Variants in EMG1 observed in about 807,000 individuals in gnomAD.
EMG1 encodes ribosomal RNA small subunit methyltransferase NEP1.
In EMG1, 24 loss-of-function variants were observed where a neutral mutation model predicts 26.9. That is an observed-to-expected ratio of 0.89 (90% CI 0.65 to 1.26). The LOEUF is 1.26. EMG1 is among the 50% of genes most tolerant of loss of function. EMG1 has a pLI of 0.00. For missense variants in EMG1, 299 were observed against 307.6 expected, an observed-to-expected ratio of 0.97 and a Z score of 0.21; for synonymous variants, 140 against 112.6, an observed-to-expected ratio of 1.24 and a Z score of -1.54.
At position 6,978,012 on chromosome 12, in the gene EMG1, ACT is replaced by A. The variant is rs1946428485; in HGVS notation, c.*2206_*2207del. 3.6e-6 allele frequency: 2 copies of A among 559,882 alleles called. No individual in the cohort carries two copies. Among genetic ancestry groups the A allele is most frequent in the African/African-American group, 1.9e-5 (1 of 53,094 alleles). The allele number at this position is 559,882 out of a possible 1,614,324, so 34.7% of individuals were successfully genotyped here. On this transcript the variant is annotated 3_prime_UTR_variant, in exon 6 of 6. Coordinates refer to ENST00000599672, the MANE Select transcript of EMG1 (RefSeq NM_006331.8). ...TGCTGAGATCAGTGGTGAACCAGACACTCTACTCAAGCTGCCCACACTCTAGT... is the reference window on the plus strand; with the variant it reads ...TGCTGAGATCAGTGGTGAACCAGACACTACTCAAGCTGCCCACACTCTAGT...
Position 6,977,761 on chromosome 12 carries a change from G to A in EMG1, c.*1952G>A. ...GAAGATGTAGCTGGAGAAAAGGGTGGGTGGGGCGACCCTCAAACTGACTGG... is the reference window on the plus strand; with the variant it reads ...GAAGATGTAGCTGGAGAAAAGGGTGAGTGGGGCGACCCTCAAACTGACTGG... On this transcript the variant is annotated 3_prime_UTR_variant, in exon 6 of 6. Coordinates refer to ENST00000599672, the MANE Select transcript of EMG1 (RefSeq NM_006331.8). This position sits in a 1 kb window ranked among gnomAD's most constrained non-coding sequence, Gnocchi z 4.5. The A allele has an allele frequency of 6.2e-7, 1 of 1,613,742 alleles. No homozygotes were observed. Among genetic ancestry groups the A allele is most frequent in the Non-Finnish European group, 8.5e-7 (1 of 1,179,952 alleles).
chr12:6,979,238 G>A lies in EMG1; in HGVS notation c.*3429G>A, dbSNP rs1024087479. 23 of 556,814 alleles carry A rather than the reference G, an allele frequency of 4.1e-5. No homozygotes were observed. The highest frequency in any genetic ancestry group is 6.1e-5 in the Non-Finnish European group (19 of 312,738). The allele number at this position is 556,814 out of a possible 1,614,324, so 34.5% of individuals were successfully genotyped here. ...AAGCTAGGAGCGGCTCCTAGAGAAGGCAACGGGTGCTAAATGTGCACCTGG... is the reference window on the plus strand; with the variant it reads ...AAGCTAGGAGCGGCTCCTAGAGAAGACAACGGGTGCTAAATGTGCACCTGG... On this transcript the variant is annotated 3_prime_UTR_variant, in exon 6 of 6. Coordinates refer to ENST00000599672, the MANE Select transcript of EMG1 (RefSeq NM_006331.8).
intron 7 of EMG1, among the ~76,000 whole-genome samples, chr12:6,995,435 C>T (rs1381720855): frequency 2.0e-5 from 3 of 151,346 alleles, no homozygotes; most frequent in African/African-American, 7.3e-5. Context: ...GATCGTCTCA[C>T]TGTACTCCAG....
chr12:6,981,336 C>T (rs1196847447), downstream of EMG1: 12 of 692,948 alleles, frequency 1.7e-5, no homozygotes, highest in Admixed American at 8.5e-5. Context: ...TGTGGAAATG[C>T]GTATGTGTGT....
Position 6,978,431 on chromosome 12 carries a change from G to C in EMG1, c.*2622G>C. 1 of 1,614,088 alleles carries C rather than the reference G, an allele frequency of 6.2e-7. No homozygotes were observed. The highest frequency in any genetic ancestry group is 1.7e-4 in the Middle Eastern group (1 of 6,040). Reference sequence around the variant, plus strand: ...TTCAAAGAGCCACACCTTCATGTTGGCACAGGCATCCCACTTTGCCTTGCC... The same window carrying C: ...TTCAAAGAGCCACACCTTCATGTTGCCACAGGCATCCCACTTTGCCTTGCC... On this transcript the variant is annotated 3_prime_UTR_variant, in exon 6 of 6. Transcript: ENST00000599672.
downstream of EMG1, chr12:6,982,834 G>A (rs1010263488): frequency 1.7e-6 from 2 of 1,203,460 alleles, no homozygotes; most frequent in Non-Finnish European, 2.5e-6. Context: ...CCACCGTCCT[G>A]AGACTTCCAA....
chr12:6,991,595 T>G (rs782107871), downstream of EMG1, among the ~76,000 whole-genome samples: 1 of 152,342 alleles, frequency 6.6e-6, no homozygotes, highest in South Asian at 2.1e-4. Context: ...TTTTCCAAAA[T>G]TCTAATTTTT....
chr12:6,982,902 A>T, downstream of EMG1: 1 of 686,798 alleles, frequency 1.5e-6, no homozygotes, highest in Non-Finnish European at 2.6e-6. Flanking sequence ...TTTCAGAATA[A>T]CCTCATGTTT....
downstream of EMG1, among the ~76,000 whole-genome samples, chr12:6,992,516 T>C (rs1946598906): frequency 6.6e-6 from 1 of 152,182 alleles, no homozygotes; most frequent in South Asian, 2.1e-4. Context: ...AGTGTCAACA[T>C]AGGGAAAAGA....
chr12:6,981,191 A>G (rs1209222125), downstream of EMG1: 1 of 1,600,676 alleles, frequency 6.2e-7, no homozygotes. Flanking sequence ...TTCTATGCCA[A>G]GAAGAGAATG....
At chr12:6,992,498 TC>T (rs1476631438), downstream of EMG1, among the ~76,000 whole-genome samples, 1 of 152,162 alleles carries the variant, frequency 6.6e-6, no homozygotes, top group Non-Finnish European at 1.5e-5. Flanking sequence ...TTTTGCAACA[TC>T]AGTGCAAGTG....
chr12:6,975,206 C>G, intron 4 of EMG1, 23 bp from the exon 5 acceptor site: 1 of 1,613,944 alleles, frequency 6.2e-7, no homozygotes, highest in Non-Finnish European at 8.5e-7. Context: ...CTGGGGCTGA[C>G]TTTTCTCTCT....
rs782414403 is a variant in EMG1 at position 6,978,741 on chromosome 12, T to C, written c.*2932T>C. 1 of 1,604,060 alleles carries C rather than the reference T, an allele frequency of 6.2e-7. No individual in the cohort carries two copies. The highest frequency in any genetic ancestry group is 8.5e-7 in the Non-Finnish European group (1 of 1,174,640). On this transcript the variant is annotated 3_prime_UTR_variant, in exon 6 of 6. Transcript: ENST00000599672. ...AGGGATATCACATGACTAGGCAGTTTCTCTCAGCACTCTTCCTTTTCACAC... is the reference window on the plus strand; with the variant it reads ...AGGGATATCACATGACTAGGCAGTTCCTCTCAGCACTCTTCCTTTTCACAC...
At position 6,979,322 on chromosome 12, in the gene EMG1, G is replaced by A. The variant is rs1355523867; in HGVS notation, c.*3513G>A. On this transcript the variant is annotated 3_prime_UTR_variant, in exon 6 of 6. Coordinates refer to ENST00000599672, the MANE Select transcript of EMG1 (RefSeq NM_006331.8). ...TGGCTGATGAACATGTCCCAGCACG[G>A]CTGGCATTGACAACTCACAGATCTA... 4 of 644,592 alleles carry A rather than the reference G, an allele frequency of 6.2e-6. No homozygotes were observed. Among genetic ancestry groups the A allele is most frequent in the African/African-American group, 1.8e-5 (1 of 55,166 alleles). 39.9% of individuals were successfully genotyped at this position (644,592 alleles called of 1,614,324 possible). A position where few individuals can be genotyped will look rare whatever the true frequency, so the allele number is the denominator to read the frequency against.
rs1946411194 is a variant in EMG1 at position 6,976,995 on chromosome 12, T to C, written c.*1186T>C. ...AGCATGCCTCAATAAGTCACAGTAG[T>C]CATTGCCCATACTGTGTTCCTTAGT... is the stretch of plus-strand genomic sequence containing the variant. On this transcript the variant is annotated 3_prime_UTR_variant, in exon 6 of 6. Transcript: ENST00000599672. 1 of 646,780 alleles carries C rather than the reference T, an allele frequency of 1.5e-6. No individual in the cohort carries two copies. Among genetic ancestry groups the C allele is most frequent in the Non-Finnish European group, 2.8e-6 (1 of 359,278 alleles). The allele number at this position is 646,780 out of a possible 1,614,324, so 40.1% of individuals were successfully genotyped here.
chr12:6,972,826 G>A (rs181493974), intron 1 of EMG1, among the ~76,000 whole-genome samples: 50 of 151,932 alleles, frequency 3.3e-4, no homozygotes, highest in African/African-American at 1.2e-3. Flanking sequence ...TCCTTTCTTC[G>A]TTTCCACTTT....
chr12:6,971,853 C>T (rs1226695286), intron 1 of EMG1, among the ~76,000 whole-genome samples: 2 of 152,248 alleles, frequency 1.3e-5, no homozygotes, highest in South Asian at 4.2e-4. Flanking sequence ...CTGTCCAGAC[C>T]TGGTTATTAT....
At chr12:6,971,573 G>GC (rs1489214814) in intron 1 of EMG1, among the ~76,000 whole-genome samples, 1 of 152,182 alleles carries the variant, frequency 6.6e-6, no homozygotes, top group Non-Finnish European at 1.5e-5. Flanking sequence ...ACTGTGCCCG[G>GC]CCGGTAGTAC....
At position 6,977,857 on chromosome 12, in the gene EMG1, C is replaced by T. The variant is rs782611419; in HGVS notation, c.*2048C>T. 124 of 1,272,934 alleles carry T rather than the reference C, an allele frequency of 9.7e-5. No individual in the cohort carries two copies. The highest frequency in any genetic ancestry group is 2.4e-4 in the Middle Eastern group (1 of 4,112). 78.9% of individuals were successfully genotyped at this position (1,272,934 alleles called of 1,614,324 possible). A position where few individuals can be genotyped will look rare whatever the true frequency, so the allele number is the denominator to read the frequency against. On this transcript the variant is annotated 3_prime_UTR_variant, in exon 6 of 6. Transcript: ENST00000599672. This position sits in a 1 kb window ranked among gnomAD's most constrained non-coding sequence, Gnocchi z 4.5. ...GGATTGGAGTGCTGGTGGGTTCCCA[C>T]GTGTAGCCCCCAGAGGGTACAGGAG...
Sources: gnomAD v4.1 joint callset for allele counts (sites outside exome capture counted in the v4.1 genomes callset) on GRCh38, gnomAD v4.1.1 for gene constraint, Gnocchi (gnomAD v3.1) non-coding constraint, MANE v1.5 for transcripts, NCBI Gene and HGNC (gene_info 2026-07-23, HGNC 2026-07-21) for gene names.